The following MTUS2 variants were observed in gnomAD, a reference collection of about 807,000 sequenced individuals.
MTUS2 encodes microtubule-associated tumor suppressor candidate 2.
A neutral mutation model predicts 114.1 loss-of-function variants in MTUS2; 40 were observed. The ratio of observed to expected loss-of-function variants is 0.35; its 90% CI spans 0.27 to 0.46. The LOEUF (loss-of-function observed/expected upper bound fraction) is 0.46. Among genes scored for constraint, MTUS2 ranks in the 20% least tolerant of loss-of-function variants. The pLI, the probability that MTUS2 is intolerant of heterozygous loss-of-function variation, is 1.00. For missense variants in MTUS2, 1,679 were observed against 1,705.4 expected, an observed-to-expected ratio of 0.98 and a Z score of 0.27; for synonymous variants, 688 against 672.0, an observed-to-expected ratio of 1.02 and a Z score of -0.37.
chr13:29,419,342 G>A (rs1207762028), intron 8 of MTUS2, among the ~76,000 whole-genome samples: 3 of 152,166 alleles, frequency 2.0e-5, no homozygotes, highest in African/African-American at 4.8e-5. Flanking sequence ...CTCAGGTAGT[G>A]TGGGGTTAAT....
In MTUS2 at chr13:29,263,059, T is replaced by G. The variant is rs1033106029; in HGVS notation, c.2645-18645T>G. Among the ~76,000 whole-genome samples, 5 of 152,330 alleles carry G rather than the reference T, an allele frequency of 3.3e-5. 1 individual carries two copies. The South Asian group carries it at 1.0e-3, about 32-fold the overall frequency. On this transcript the variant is annotated intron_variant, in intron 5 of 15. Transcript: ENST00000612955. ...TTTAACAAAAGAGGATTAATTTGTT[T>G]TCTTAGAAGAATGTTATTAGTATGT...
chr13:29,045,246 G>A (rs892663583), intron 4 of MTUS2, among the ~76,000 whole-genome samples: 7 of 152,146 alleles, frequency 4.6e-5, no homozygotes, highest in African/African-American at 1.7e-4. Context: ...ATTGGGTGAG[G>A]CTGAGAAATC....
intron 4 of MTUS2, among the ~76,000 whole-genome samples, chr13:29,064,932 C>T (rs545032562): frequency 2.4e-4 from 37 of 152,302 alleles, no homozygotes; most frequent in African/African-American, 8.9e-4. Context: ...CTAGCTCCAT[C>T]CATGTTCCTG....
At chr13:28,823,042 C>T (rs1162650408) in intron 1 of MTUS2, among the ~76,000 whole-genome samples, 1 of 152,122 alleles carries the variant, frequency 6.6e-6, no homozygotes, top group African/African-American at 2.4e-5. Flanking sequence ...AGAGTGGAAA[C>T]GGGTTGGGGA....
intron 4 of MTUS2, 38 bp from the exon 5 acceptor site, chr13:29,100,735 T>A (rs909446671): frequency 6.5e-7 from 1 of 1,544,992 alleles, no homozygotes; most frequent in Non-Finnish European, 8.7e-7. Context: ...CATTATGAAC[T>A]GAGAATAATT....
chr13:29,423,805 TTAGA>T (rs1213657135), intron 8 of MTUS2, among the ~76,000 whole-genome samples: 1 of 152,116 alleles, frequency 6.6e-6, no homozygotes, highest in Non-Finnish European at 1.5e-5. Flanking sequence ...AAACATATAG[TTAGA>T]TAGAATAAGT....
At chr13:29,072,873 TCAAA>T (rs1208044154) in intron 4 of MTUS2, among the ~76,000 whole-genome samples, 1 of 152,228 alleles carries the variant, frequency 6.6e-6, no homozygotes, top group Non-Finnish European at 1.5e-5. Flanking sequence ...ACGTATCTTT[TCAAA>T]CAGTGTCTAT....
intron 9 of MTUS2, among the ~76,000 whole-genome samples, chr13:29,453,254 C>A (rs988126170): frequency 6.6e-6 from 1 of 152,218 alleles, no homozygotes; most frequent in Admixed American, 6.5e-5. Context: ...TTGTAAATTA[C>A]AGACAATCAC....
At chr13:29,072,646 A>G (rs1250132045) in intron 4 of MTUS2, among the ~76,000 whole-genome samples, 2 of 152,210 alleles carry the variant, frequency 1.3e-5, no homozygotes, top group African/African-American at 4.8e-5. Flanking sequence ...ACATGATTCA[A>G]CTGAATTTGC....
At chr13:29,342,217 A>G (rs1566142340) in intron 7 of MTUS2, among the ~76,000 whole-genome samples, 1 of 152,056 alleles carries the variant, frequency 6.6e-6, no homozygotes, top group African/African-American at 2.4e-5. Flanking sequence ...TGGGAATTGC[A>G]TTGAATTTGT....
chr13:29,048,415 G>GT (rs1887734493), intron 4 of MTUS2, among the ~76,000 whole-genome samples: 2 of 152,136 alleles, frequency 1.3e-5, no homozygotes, highest in East Asian at 1.9e-4. Flanking sequence ...CCCAGAGGAT[G>GT]TTTTTTTAGA....
At chr13:29,374,583 G>A (rs1871436556) in intron 8 of MTUS2, among the ~76,000 whole-genome samples, 1 of 152,182 alleles carries the variant, frequency 6.6e-6, no homozygotes, top group African/African-American at 2.4e-5. Flanking sequence ...TCTATATCCA[G>A]TGAAAATATA....
intron 2 of MTUS2, among the ~76,000 whole-genome samples, chr13:28,985,342 A>C (rs773432741): frequency 6.6e-6 from 1 of 152,202 alleles, no homozygotes; most frequent in African/African-American, 2.4e-5. Context: ...CCACAGTGTC[A>C]TAGGTTCATT....
At chr13:29,183,522 G>T (rs527349597) in intron 5 of MTUS2, among the ~76,000 whole-genome samples, 1 of 152,188 alleles carries the variant, frequency 6.6e-6, no homozygotes, top group Non-Finnish European at 1.5e-5. Context: ...ATGTAAAATT[G>T]AGAGCTGTGA....
chr13:28,863,005 G>A (rs1277596175), intron 2 of MTUS2, among the ~76,000 whole-genome samples: 1 of 152,116 alleles, frequency 6.6e-6, no homozygotes, highest in African/African-American at 2.4e-5. Context: ...CCTTTAGTCT[G>A]CTGAGGGAGA....
intron 15 of MTUS2, among the ~76,000 whole-genome samples, chr13:29,501,903 GCA>G (rs1176228046): frequency 6.6e-6 from 1 of 152,012 alleles, no homozygotes; most frequent in Non-Finnish European, 1.5e-5. Flanking sequence ...ATACACTTAC[GCA>G]CACACTCATA....
chr13:29,472,117 C>T (rs1401951174), intron 9 of MTUS2, among the ~76,000 whole-genome samples: 7 of 152,120 alleles, frequency 4.6e-5, no homozygotes, highest in East Asian at 1.9e-4. Context: ...CTCTGCCTCC[C>T]GAGTTCAAGC....
chr13:29,125,886 A>C (rs979694881), intron 5 of MTUS2, among the ~76,000 whole-genome samples: 1 of 152,188 alleles, frequency 6.6e-6, no homozygotes, highest in African/African-American at 2.4e-5. Flanking sequence ...GCATCCCCTT[A>C]CTGAATTCTG....
chr13:29,139,832 T>G (rs1892142401), intron 5 of MTUS2, among the ~76,000 whole-genome samples: 1 of 152,230 alleles, frequency 6.6e-6, no homozygotes, highest in Non-Finnish European at 1.5e-5. Flanking sequence ...GTGAAGATTC[T>G]GGGTCTCTGA....
Sources: allele counts gnomAD v4.1 joint callset (sites outside exome capture counted in the v4.1 genomes callset), GRCh38; gene constraint gnomAD v4.1.1; transcripts MANE v1.5; gene names NCBI Gene and HGNC (gene_info 2026-07-23, HGNC 2026-07-21).